Variants in IL1R1 observed in about 807,000 individuals in gnomAD.
The protein encoded by IL1R1 is interleukin-1 receptor type 1.
In IL1R1, 22 loss-of-function variants were observed where a neutral mutation model predicts 50.2. That is an observed-to-expected ratio of 0.44 (90% CI 0.31 to 0.63). The LOEUF (loss-of-function observed/expected upper bound fraction) is 0.63. Among genes scored for constraint, IL1R1 ranks in the 20% least tolerant of loss-of-function variants. IL1R1 has a pLI of 0.07. For synonymous variants in IL1R1, 251 were observed against 236.7 expected (o/e 1.06, Z -0.55); for missense variants, 509 against 676.2 (o/e 0.75, Z 2.74).
At chr2:102,105,493 T>C (rs1471424223) in intron 1 of IL1R1, among the ~76,000 whole-genome samples, 2 of 152,120 alleles carry the variant, frequency 1.3e-5, no homozygotes, top group African/African-American at 2.4e-5. Context: ...GCCTCCCGAG[T>C]AGCTGGGACT....
chr2:102,153,088 C>G (rs768211245), intron 1 of IL1R1, among the ~76,000 whole-genome samples: 11 of 152,098 alleles, frequency 7.2e-5, no homozygotes, highest in African/African-American at 2.7e-4. Context: ...CTACCACAAC[C>G]CAGCTTTTTG....
At chr2:102,158,332 G>T (rs1684392817) in intron 3 of IL1R1, among the ~76,000 whole-genome samples, 1 of 152,170 alleles carries the variant, frequency 6.6e-6, no homozygotes, top group Admixed American at 6.5e-5. Context: ...AGAAGAGAGA[G>T]ATAACAGATA....
At chr2:102,136,619 A>C (rs1296584285) in intron 1 of IL1R1, among the ~76,000 whole-genome samples, 1 of 151,364 alleles carries the variant, frequency 6.6e-6, no homozygotes, top group Non-Finnish European at 1.5e-5. Context: ...CTCGTGATCT[A>C]CCCTCCTCGG....
intron 1 of IL1R1, among the ~76,000 whole-genome samples, chr2:102,152,494 G>C (rs1683760550): frequency 1.1e-5 from 1 of 93,202 alleles, no homozygotes. Flanking sequence ...GACAGAGCAA[G>C]ACTCCGTCTC....
chr2:102,099,393 G>C (rs1326798578), intron 1 of IL1R1, among the ~76,000 whole-genome samples: 1 of 152,174 alleles, frequency 6.6e-6, no homozygotes, highest in Non-Finnish European at 1.5e-5. Context: ...TCTCTGCATT[G>C]CTGAGTGCTT....
intron 1 of IL1R1, among the ~76,000 whole-genome samples, chr2:102,134,802 C>T (rs1437752609): frequency 6.6e-6 from 1 of 152,236 alleles, no homozygotes; most frequent in Non-Finnish European, 1.5e-5. Context: ...AACTCTCATC[C>T]TAGTAAACTT....
intron 1 of IL1R1, among the ~76,000 whole-genome samples, chr2:102,093,381 A>AG (rs1416618236): frequency 1.3e-5 from 2 of 152,226 alleles, no homozygotes; most frequent in African/African-American, 4.8e-5. Flanking sequence ...TCTAGATTAG[A>AG]TAACAGGTAT....
At position 102,178,519 on chromosome 2, in the gene IL1R1, G is replaced by A. The variant is rs1238037781; in HGVS notation, c.*1760G>A. 1.3e-5 allele frequency: 2 copies of A among 152,196 alleles called. No individual in the cohort carries two copies. Among genetic ancestry groups the A allele is most frequent in the African/African-American group, 2.4e-5 (1 of 41,370 alleles). The allele number at this position is 152,196 out of a possible 1,614,324, so 9.4% of individuals were successfully genotyped here. On this transcript the variant is annotated 3_prime_UTR_variant, in exon 12 of 12. Coordinates refer to ENST00000410023, the MANE Select transcript of IL1R1 (RefSeq NM_000877.4). ...CTAAGTTCTATTGAACCTAGGACTT[G>A]AGCCTCCATTTCTGGCTTCTAGTCT... is the stretch of plus-strand genomic sequence containing the variant.
At chr2:102,142,150 G>A (rs1381881726), upstream of IL1R1, among the ~76,000 whole-genome samples, 1 of 152,172 alleles carries the variant, frequency 6.6e-6, no homozygotes, top group Non-Finnish European at 1.5e-5. Context: ...CAGATAACGC[G>A]TGAGTAGTAT....
intron 1 of IL1R1, among the ~76,000 whole-genome samples, chr2:102,135,263 G>A (rs554794415): frequency 2.9e-4 from 40 of 136,084 alleles, no homozygotes; most frequent in Admixed American, 1.4e-3. Context: ...CTTTGTGGGC[G>A]GTACCTACAA....
chr2:102,141,121 G>A (rs955001969), upstream of IL1R1, among the ~76,000 whole-genome samples: 1 of 152,200 alleles, frequency 6.6e-6, no homozygotes, highest in Admixed American at 6.5e-5. Context: ...ATGGAGCCAG[G>A]CCCACCTGCT....
intron 1 of IL1R1, among the ~76,000 whole-genome samples, chr2:102,086,784 C>T (rs1679449876): frequency 6.6e-6 from 1 of 152,198 alleles, no homozygotes; most frequent in Admixed American, 6.5e-5. Flanking sequence ...TTTGTTCACT[C>T]ATCAATATCT....
intron 11 of IL1R1, chr2:102,175,889 C>A: frequency 1.7e-6 from 1 of 596,662 alleles, no homozygotes; most frequent in East Asian, 2.8e-5. Context: ...TTAAACCCAA[C>A]AGTTGCTTTA....
chr2:102,090,260 G>A (rs557114049), intron 1 of IL1R1, among the ~76,000 whole-genome samples: 1 of 151,552 alleles, frequency 6.6e-6, no homozygotes, highest in South Asian at 2.1e-4. Context: ...CCCCACAAAG[G>A]TTCTATGTTG....
At chr2:102,085,638 A>T (rs2104298854) in intron 1 of IL1R1, among the ~76,000 whole-genome samples, 1 of 152,024 alleles carries the variant, frequency 6.6e-6, no homozygotes, top group East Asian at 1.9e-4. Flanking sequence ...ATAAAATGCT[A>T]TCTAGTAGGG....
At chr2:102,102,807 A>G (rs1680199910), upstream of IL1R1, among the ~76,000 whole-genome samples, 8 of 152,200 alleles carry the variant, frequency 5.3e-5, no homozygotes, top group Admixed American at 5.2e-4. Flanking sequence ...ACCGCGGAAT[A>G]TTATGCAGCC....
chr2:102,146,180 G>T (rs537712465), intron 1 of IL1R1, among the ~76,000 whole-genome samples: 3 of 152,146 alleles, frequency 2.0e-5, no homozygotes, highest in Admixed American at 2.0e-4. Context: ...CCAAATGTGA[G>T]AACTCATAGA....
chr2:102,077,925 G>A (rs1316972643), intron 1 of IL1R1, among the ~76,000 whole-genome samples: 2 of 151,966 alleles, frequency 1.3e-5, no homozygotes, highest in Admixed American at 6.6e-5. Context: ...AGAAAATTTA[G>A]GAAAGTCACA....
intron 1 of IL1R1, 150 bp from the exon 2 acceptor site, chr2:102,153,791 A>G (rs1425381204): frequency 2.0e-5 from 3 of 152,326 alleles, no homozygotes; most frequent in Non-Finnish European, 4.4e-5. Context: ...AGTCAATTAA[A>G]TCCTCTTTCC....
Sources: allele counts gnomAD v4.1 joint callset (sites outside exome capture counted in the v4.1 genomes callset), GRCh38; gene constraint gnomAD v4.1.1; transcripts MANE v1.5; gene names NCBI Gene and HGNC (gene_info 2026-07-23, HGNC 2026-07-21).